The following CDH13 variants were observed in gnomAD, a reference collection of about 807,000 sequenced individuals.
CDH13 encodes the protein cadherin-13.
CDH13 carries 24 observed loss-of-function variants against 63.8 expected under a neutral mutation model. The observed-to-expected ratio is 0.38, with a 90% confidence interval of 0.27 to 0.53. CDH13 has a LOEUF of 0.53. Ranked by LOEUF, CDH13 falls within the 20% of genes least tolerant of loss-of-function variation. The probability of loss-of-function intolerance (pLI) is 0.85; values close to 1 mark genes in which losing one functional copy is unlikely to be tolerated. For missense variants in CDH13, 1,049 were observed against 903.1 expected, an observed-to-expected ratio of 1.16 and a Z score of -2.07; for synonymous variants, 503 against 355.3, an observed-to-expected ratio of 1.42 and a Z score of -4.67.
chr16:83,203,422 C>G (rs1037584570), intron 4 of CDH13, among the ~76,000 whole-genome samples: 4 of 151,986 alleles, frequency 2.6e-5, no homozygotes, highest in African/African-American at 9.7e-5. Flanking sequence ...TGTGGTGGCT[C>G]ACGCCTGTAA....
At chr16:82,889,619 A>G (rs372021818) in intron 2 of CDH13, among the ~76,000 whole-genome samples, 7 of 152,214 alleles carry the variant, frequency 4.6e-5, no homozygotes, top group East Asian at 3.8e-4. Context: ...CTGGTTGATC[A>G]AATGTTGCAT....
intron 11 of CDH13, among the ~76,000 whole-genome samples, chr16:83,778,784 C>A (rs796657833): frequency 4.9e-4 from 75 of 152,242 alleles, no homozygotes; most frequent in African/African-American, 1.7e-3. Flanking sequence ...TCCCAGCCCC[C>A]AGTGGCACCA....
At chr16:83,550,638 T>G (rs1475349185) in intron 7 of CDH13, among the ~76,000 whole-genome samples, 3 of 152,354 alleles carry the variant, frequency 2.0e-5, no homozygotes, top group South Asian at 2.1e-4. Context: ...ATGCCTCTGA[T>G]GAATGTCTAG....
intron 3 of CDH13, among the ~76,000 whole-genome samples, chr16:83,070,123 G>T (rs541405018): frequency 6.6e-6 from 1 of 151,990 alleles, no homozygotes; most frequent in Admixed American, 6.6e-5. Context: ...TTGCTTCTTG[G>T]CATGCTTATT....
At chr16:83,280,042 C>T (rs968554007) in intron 5 of CDH13, among the ~76,000 whole-genome samples, 2 of 152,168 alleles carry the variant, frequency 1.3e-5, no homozygotes, top group Non-Finnish European at 2.9e-5. Context: ...GCAGATTGAT[C>T]AGGGTGGTGG....
Position 82,644,588 on chromosome 16 carries a change from G to A in CDH13, c.45+17451G>A, listed in dbSNP as rs1034992686. ...GTGCTGGAAGGGGAGGCTTTATGGAGGCAAAGCTGAGGGGCTGTACGTGTC... is the reference window on the plus strand; with the variant it reads ...GTGCTGGAAGGGGAGGCTTTATGGAAGCAAAGCTGAGGGGCTGTACGTGTC... On this transcript the variant is annotated intron_variant, in intron 1 of 13. Transcript: ENST00000567109. This position sits in a 1 kb window ranked among gnomAD's most constrained non-coding sequence, Gnocchi z 5.7. Among the ~76,000 whole-genome samples the A allele has an allele frequency of 2.0e-5, 3 of 152,296 alleles. No individual in the cohort carries two copies. The highest frequency in any genetic ancestry group is 2.1e-4 in the South Asian group (1 of 4,830).
intron 1 of CDH13, among the ~76,000 whole-genome samples, chr16:82,725,097 G>C (rs915964099): frequency 6.6e-6 from 1 of 151,988 alleles, no homozygotes; most frequent in Non-Finnish European, 1.5e-5. Flanking sequence ...TGATGGTGTT[G>C]ATGGTTGTGC....
intron 11 of CDH13, among the ~76,000 whole-genome samples, chr16:83,766,289 A>G (rs1475699200): frequency 6.6e-6 from 1 of 152,226 alleles, no homozygotes. Flanking sequence ...ACAAACATAT[A>G]TGATTACATT....
intron 5 of CDH13, among the ~76,000 whole-genome samples, chr16:83,330,259 A>G (rs998146633): frequency 6.6e-6 from 1 of 152,234 alleles, no homozygotes; most frequent in African/African-American, 2.4e-5. Flanking sequence ...GGAAATCTGG[A>G]TACCAGAATT....
At chr16:82,930,739 A>C (rs937942069) in intron 2 of CDH13, among the ~76,000 whole-genome samples, 1 of 152,190 alleles carries the variant, frequency 6.6e-6, no homozygotes, top group African/African-American at 2.4e-5. Context: ...AAAGCTATAA[A>C]GCATTGGTGA....
chr16:82,971,167 C>A (rs113303149), intron 2 of CDH13, among the ~76,000 whole-genome samples: 72 of 152,286 alleles, frequency 4.7e-4, no homozygotes, highest in African/African-American at 1.7e-3. Context: ...CCTTCGAATG[C>A]GATGACTCTA....
At chr16:83,539,948 G>A (rs916607490) in intron 7 of CDH13, among the ~76,000 whole-genome samples, 2 of 152,098 alleles carry the variant, frequency 1.3e-5, no homozygotes, top group Non-Finnish European at 2.9e-5. Context: ...ACATTCCATT[G>A]GTGGAACTCA....
intron 3 of CDH13, among the ~76,000 whole-genome samples, chr16:83,034,310 A>C (rs150388736): frequency 7.9e-5 from 12 of 152,234 alleles, no homozygotes. Context: ...CCTGGGCTGG[A>C]TGAACTTCAC....
intron 2 of CDH13, among the ~76,000 whole-genome samples, chr16:82,970,064 T>A (rs1456181657): frequency 6.6e-6 from 1 of 152,112 alleles, no homozygotes; most frequent in African/African-American, 2.4e-5. Flanking sequence ...ATTAGGTATT[T>A]CTCCTAATGC....
chr16:83,276,895 A>T (rs2089006607), intron 5 of CDH13, among the ~76,000 whole-genome samples: 1 of 152,138 alleles, frequency 6.6e-6, no homozygotes, highest in African/African-American at 2.4e-5. Context: ...AAAGCATGTC[A>T]CATCTTACGT....
chr16:83,301,098 C>T (rs1430677824), intron 5 of CDH13, among the ~76,000 whole-genome samples: 2 of 132,392 alleles, frequency 1.5e-5, no homozygotes, highest in Admixed American at 1.9e-4. Context: ...GTGGCACGAT[C>T]TCAGCTCACT....
chr16:83,366,924 T>C (rs1312378516), intron 6 of CDH13, among the ~76,000 whole-genome samples: 2 of 151,626 alleles, frequency 1.3e-5, no homozygotes, highest in Non-Finnish European at 2.9e-5. Context: ...CAAAGCCCTC[T>C]TTTTTTTTCT....
chr16:83,390,654 C>T (rs2091768835), intron 6 of CDH13, among the ~76,000 whole-genome samples: 1 of 152,158 alleles, frequency 6.6e-6, no homozygotes, highest in Non-Finnish European at 1.5e-5. Context: ...CCCCAACAGC[C>T]ATGGCCCGAG....
intron 7 of CDH13, among the ~76,000 whole-genome samples, chr16:83,566,070 C>G (rs556330526): frequency 1.3e-5 from 2 of 152,184 alleles, no homozygotes; most frequent in African/African-American, 2.4e-5. Context: ...TCATCCGTCT[C>G]TTGACTTGGA....
Sources: allele counts gnomAD v4.1 joint callset (sites outside exome capture counted in the v4.1 genomes callset), GRCh38; gene constraint gnomAD v4.1.1; non-coding constraint Gnocchi (gnomAD v3.1); transcripts MANE v1.5; gene names NCBI Gene and HGNC (gene_info 2026-07-23, HGNC 2026-07-21).